The following GAS7 variants were observed in gnomAD, a reference collection of about 807,000 sequenced individuals.
GAS7 encodes the protein growth arrest-specific protein 7.
In GAS7, 28 loss-of-function variants were observed where a neutral mutation model predicts 71.1. The observed-to-expected ratio is 0.39, with a 90% CI of 0.29 to 0.54. The LOEUF (loss-of-function observed/expected upper bound fraction) is 0.54. Ranked by LOEUF, GAS7 falls within the 20% of genes least tolerant of loss-of-function variation. The pLI, the probability that GAS7 is intolerant of heterozygous loss-of-function variation, is 0.62. For synonymous variants in GAS7, 258 were observed against 245.8 expected (o/e 1.05, Z -0.46); for missense variants, 436 against 627.8 (o/e 0.69, Z 3.27).
Position 10,026,381 on chromosome 17 carries a change from C to T in GAS7, c.184-6484G>A, listed in dbSNP as rs918054381. The T allele has an allele frequency of 5.2e-6, 4 of 762,428 alleles. No individual in the cohort carries two copies. The highest frequency in any genetic ancestry group is 1.3e-4 in the East Asian group (1 of 7,852). 47.2% of individuals were successfully genotyped at this position (762,428 alleles called of 1,614,324 possible). A position where few individuals can be genotyped will look rare whatever the true frequency, so the allele number is the denominator to read the frequency against. On this transcript the variant is annotated intron_variant, in intron 1 of 13. Coordinates refer to ENST00000432992, the MANE Select transcript of GAS7 (RefSeq NM_201433.2). This position sits in a 1 kb window ranked among gnomAD's most constrained non-coding sequence, Gnocchi z 4.5. ...AACAGCTCTGAAGTTGTCAGCCTAACGAGCCACTTTCTGGCAGACCCGTTG... is the reference window on the plus strand; with the variant it reads ...AACAGCTCTGAAGTTGTCAGCCTAATGAGCCACTTTCTGGCAGACCCGTTG...
chr17:9,927,336 A>ACACACAC, intron 9 of GAS7, among the ~76,000 whole-genome samples: 1 of 75,666 alleles, frequency 1.3e-5, no homozygotes, highest in Non-Finnish European at 3.2e-5. Flanking sequence ...CACACACACA[A>ACACACAC]ATTAGCTGGG....
At chr17:9,977,001 A>G (rs1457731882) in intron 3 of GAS7, among the ~76,000 whole-genome samples, 2 of 152,230 alleles carry the variant, frequency 1.3e-5, no homozygotes, top group Admixed American at 1.3e-4. Flanking sequence ...GAAAAAGGAC[A>G]TGAATGGAAA....
chr17:9,935,066 C>T (rs2068350532), intron 8 of GAS7, among the ~76,000 whole-genome samples: 1 of 152,208 alleles, frequency 6.6e-6, no homozygotes, highest in African/African-American at 2.4e-5. Flanking sequence ...TCTTTTCAAA[C>T]AGCAGGTATC....
chr17:9,962,335 C>A (rs559758727), intron 4 of GAS7, among the ~76,000 whole-genome samples: 6 of 152,246 alleles, frequency 3.9e-5, no homozygotes, highest in African/African-American at 1.4e-4. Flanking sequence ...ATCACAGTGA[C>A]AACATCTACT....
At chr17:9,975,421 C>T (rs1226853447) in intron 3 of GAS7, among the ~76,000 whole-genome samples, 1 of 151,970 alleles carries the variant, frequency 6.6e-6, no homozygotes, top group Non-Finnish European at 1.5e-5. Context: ...TTGAAATCCT[C>T]GCTTCCCTCT....
chr17:10,008,555 T>C (rs1346653303), intron 2 of GAS7, among the ~76,000 whole-genome samples: 1 of 152,232 alleles, frequency 6.6e-6, no homozygotes, highest in African/African-American at 2.4e-5. Context: ...TGGGAGATTA[T>C]TGGCCTTAAA....
At chr17:10,093,127 G>A (rs1302269374) in intron 1 of GAS7, among the ~76,000 whole-genome samples, 1 of 152,186 alleles carries the variant, frequency 6.6e-6, no homozygotes, top group Non-Finnish European at 1.5e-5. Context: ...TTTTAGGAAA[G>A]GGTTCGGGAG....
chr17:10,016,602 C>CAAAAA (rs1158379710), intron 2 of GAS7, among the ~76,000 whole-genome samples: 801 of 82,390 alleles, frequency 9.7e-3, no homozygotes, highest in Middle Eastern at 0.02. Context: ...CTGTCTCTAC[C>CAAAAA]AAAAAAAAAA....
intron 1 of GAS7, among the ~76,000 whole-genome samples, chr17:10,066,423 G>A (rs1234454680): frequency 5.3e-5 from 8 of 152,106 alleles, no homozygotes; most frequent in African/African-American, 1.2e-4. Context: ...CAGGTGATCC[G>A]CCCGCCTCGG....
intron 1 of GAS7, among the ~76,000 whole-genome samples, chr17:10,083,075 C>A (rs758736246): frequency 6.6e-6 from 1 of 152,176 alleles, no homozygotes; most frequent in Non-Finnish European, 1.5e-5. Flanking sequence ...GTAGTGGTTG[C>A]AAGGGTGTAT....
intron 2 of GAS7, among the ~76,000 whole-genome samples, chr17:9,993,286 T>A (rs2070915781): frequency 6.6e-6 from 1 of 152,210 alleles, no homozygotes; most frequent in Non-Finnish European, 1.5e-5. Context: ...GACTTTCTAA[T>A]GATTGCCATT....
chr17:10,060,820 C>T (rs1218787908), intron 1 of GAS7, among the ~76,000 whole-genome samples: 1 of 152,184 alleles, frequency 6.6e-6, no homozygotes, highest in African/African-American at 2.4e-5. Flanking sequence ...CCATGTGGCC[C>T]AGCGATCCCA....
chr17:10,178,812 G>T (rs975635185), intron 1 of GAS7, among the ~76,000 whole-genome samples: 1 of 143,210 alleles, frequency 7.0e-6, no homozygotes, highest in Non-Finnish European at 1.5e-5. Context: ...TCTTCCCTGT[G>T]TGGGCTGTCA....
Position 9,959,382 on chromosome 17 carries a change from C to G in GAS7, c.472-127G>C. 1 of 1,528,250 alleles carries G rather than the reference C, an allele frequency of 6.5e-7. No homozygotes were observed. The highest frequency in any genetic ancestry group is 8.8e-7 in the Non-Finnish European group (1 of 1,133,812). 94.7% of individuals were successfully genotyped at this position (1,528,250 alleles called of 1,614,324 possible). A position where few individuals can be genotyped will look rare whatever the true frequency, so the allele number is the denominator to read the frequency against. On this transcript the variant is annotated intron_variant, in intron 4 of 13. Coordinates refer to ENST00000432992, the MANE Select transcript of GAS7 (RefSeq NM_201433.2). This position sits in a 1 kb window ranked among gnomAD's most constrained non-coding sequence, Gnocchi z 5.0. ...GATGCTCAGTCTGAATCCTAAGTCACCATATTCTGGGCCAGGGCAAGCAGG... is the reference window on the plus strand; with the variant it reads ...GATGCTCAGTCTGAATCCTAAGTCAGCATATTCTGGGCCAGGGCAAGCAGG...
intron 2 of GAS7, among the ~76,000 whole-genome samples, chr17:10,015,111 C>T (rs1484783702): frequency 2.0e-5 from 3 of 151,714 alleles, no homozygotes; most frequent in Non-Finnish European, 4.4e-5. Context: ...GCCGAGATCG[C>T]ACCACTGCAC....
chr17:10,167,466 G>A (rs4791929), intron 1 of GAS7, among the ~76,000 whole-genome samples: 7,739 of 152,262 alleles, frequency 0.051, 331 homozygotes, highest in Admixed American at 0.14. Flanking sequence ...AAAGATTAAG[G>A]AGAGAATGGG....
chr17:10,116,408 T>C (rs896723991), intron 1 of GAS7, among the ~76,000 whole-genome samples: 1 of 152,028 alleles, frequency 6.6e-6, no homozygotes, highest in South Asian at 2.1e-4. Context: ...AAATGAATAC[T>C]CTCCAGAGTA....
At chr17:10,067,102 GT>G (rs2073289355) in intron 1 of GAS7, among the ~76,000 whole-genome samples, 2 of 151,884 alleles carry the variant, frequency 1.3e-5, no homozygotes, top group Non-Finnish European at 1.5e-5. Context: ...CAGCTCCATG[GT>G]TCTGCCATCC....
At chr17:9,955,412 C>T (rs1458162133) in intron 5 of GAS7, among the ~76,000 whole-genome samples, 2 of 152,234 alleles carry the variant, frequency 1.3e-5, no homozygotes, top group Non-Finnish European at 2.9e-5. Flanking sequence ...TCAACAAAAG[C>T]AAATAATGTG....
Sources: allele counts gnomAD v4.1 joint callset (sites outside exome capture counted in the v4.1 genomes callset), GRCh38; gene constraint gnomAD v4.1.1; non-coding constraint Gnocchi (gnomAD v3.1); transcripts MANE v1.5; gene names NCBI Gene and HGNC (gene_info 2026-07-23, HGNC 2026-07-21).